SYNE3: variants seen among roughly 807,000 people sequenced by gnomAD.
SYNE3 encodes the protein nesprin-3.
A neutral mutation model predicts 111.2 loss-of-function variants in SYNE3; 100 were observed. That is an observed-to-expected ratio of 0.90 (90% CI 0.77 to 1.06). SYNE3 has a LOEUF of 1.06. Ranked by LOEUF, SYNE3 falls within the 50% of genes least tolerant of loss-of-function variation. The pLI is 0.00. For missense variants in SYNE3, 1,160 were observed against 1,240.3 expected (o/e 0.94, Z 0.97); for synonymous variants, 547 against 533.9 (o/e 1.02, Z -0.34).
At chr14:95,452,517 G>A (rs1448123648) in intron 6 of SYNE3, 134 bp from the exon 7 acceptor site, 2 of 1,208,616 alleles carry the variant, frequency 1.7e-6, no homozygotes, top group Non-Finnish European at 2.2e-6. Context: ...CAGGAACTGG[G>A]GCCCCACTCT....
chr14:95,456,004 C>T (rs1216753500), intron 5 of SYNE3: 4 of 443,464 alleles, frequency 9.0e-6, no homozygotes, highest in Non-Finnish European at 1.6e-5. Context: ...CACTTTCTGA[C>T]ATTTGTTTAT....
intron 1 of SYNE3, among the ~76,000 whole-genome samples, chr14:95,482,260 C>G (rs1248000435): frequency 6.6e-6 from 1 of 152,132 alleles, no homozygotes; most frequent in East Asian, 1.9e-4. Flanking sequence ...ATGGTGAAAC[C>G]CTGTCTCTAC....
In SYNE3 at chr14:95,408,623, G is replaced by A. The variant is rs77735391; in HGVS notation, c.*9203C>T. ...TGCTGAAGCCCAGAGCTGGAAGCCA[G>A]GGCTGCCCAGTTGTGCTTCTGCATG... On this transcript the variant is annotated 3_prime_UTR_variant, in exon 18 of 18. Coordinates refer to ENST00000682763, the MANE Select transcript of SYNE3 (RefSeq NM_152592.6). 1.1e-3 allele frequency: 171 copies of A among 158,288 alleles called. 2 individuals are homozygous for A. The highest frequency in any genetic ancestry group is 3.9e-3 in the African/African-American group (164 of 41,680). The allele number at this position is 158,288 out of a possible 1,614,324, so 9.8% of individuals were successfully genotyped here. A position where few individuals can be genotyped will look rare whatever the true frequency, so the allele number is the denominator to read the frequency against.
intron 17 of SYNE3, among the ~76,000 whole-genome samples, chr14:95,427,325 C>A (rs1233099858): frequency 6.6e-6 from 1 of 152,138 alleles, no homozygotes. Flanking sequence ...TCCCTTTTCC[C>A]AGGGGAGTTT....
chr14:95,493,478 C>G (rs550536245), intron 1 of SYNE3, among the ~76,000 whole-genome samples: 1 of 152,348 alleles, frequency 6.6e-6, no homozygotes, highest in South Asian at 2.1e-4. Flanking sequence ...GCAGCTGTCC[C>G]AGCTGCTGAG....
At chr14:95,480,552 GAC>G (rs146902552) in intron 1 of SYNE3, among the ~76,000 whole-genome samples, 3,745 of 152,318 alleles carry the variant, frequency 0.025, 52 homozygotes, top group Middle Eastern at 0.065. Flanking sequence ...CATGGCTGGA[GAC>G]ACAGCCTCCC....
intron 6 of SYNE3, among the ~76,000 whole-genome samples, chr14:95,454,125 G>A (rs1019414953): frequency 2.0e-5 from 3 of 152,252 alleles, no homozygotes; most frequent in South Asian, 2.1e-4. Flanking sequence ...TCAGCAGAGG[G>A]ATAACACAAG....
rs760298891 is a variant in SYNE3, at chr14:95,465,994, G to A, written c.564C>T (p.Ser188=). The change falls in exon 4 of 18, where the codon AGC becomes AGT. Residue 188 remains serine, a synonymous_variant. Coordinates refer to ENST00000682763, the MANE Select transcript of SYNE3 (RefSeq NM_152592.6). ...TTCTCTTCTGGGCATCTTCGTCCACGCTGGGGTCCCCGATCCTGTTGAACA... is the reference window on the plus strand; with the variant it reads ...TTCTCTTCTGGGCATCTTCGTCCACACTGGGGTCCCCGATCCTGTTGAACA... ...ASLFNRIGDP[S]VDEDAQKRMK... 2.3e-5 allele frequency: 37 copies of A among 1,608,514 alleles called. No homozygotes were observed. The Admixed American group carries it at 3.7e-4, about 16-fold the overall frequency.
chr14:95,460,280 C>T (rs1354848611), intron 4 of SYNE3, among the ~76,000 whole-genome samples: 1 of 151,596 alleles, frequency 6.6e-6, no homozygotes, highest in Non-Finnish European at 1.5e-5. Flanking sequence ...TCTTGGCTCA[C>T]TGTAACCTCT....
intron 4 of SYNE3, 129 bp downstream of exon 4, chr14:95,465,802 G>C (rs1444462776): frequency 9.7e-6 from 10 of 1,031,844 alleles, no homozygotes; most frequent in African/African-American, 3.2e-5. Flanking sequence ...TAGATGGATT[G>C]ATAGTAGAAA....
chr14:95,501,581 C>G (rs1366211135), intron 1 of SYNE3, among the ~76,000 whole-genome samples: 1 of 152,126 alleles, frequency 6.6e-6, no homozygotes. Context: ...GATTAGGGAG[C>G]TCAGTGAGGT....
At chr14:95,430,513 A>G (rs1440757695) in intron 17 of SYNE3, among the ~76,000 whole-genome samples, 2 of 152,202 alleles carry the variant, frequency 1.3e-5, no homozygotes, top group East Asian at 3.8e-4. Context: ...CATGAAGTAA[A>G]TAAGGTTGCC....
chr14:95,464,186 G>C (rs1487549220), intron 4 of SYNE3, among the ~76,000 whole-genome samples: 2 of 152,240 alleles, frequency 1.3e-5, no homozygotes, highest in Non-Finnish European at 2.9e-5. Context: ...AGAAATGCCA[G>C]ATAAAATGTA....
intron 8 of SYNE3, chr14:95,449,717 G>A (rs1014721967): frequency 8.1e-5 from 79 of 978,568 alleles, no homozygotes; most frequent in Non-Finnish European, 9.0e-5. Context: ...ACGGAGCCCC[G>A]GGTTAACCCC....
At chr14:95,449,886 C>T (rs1886955895) in intron 8 of SYNE3, 45 bp downstream of exon 8, 1 of 1,536,302 alleles carries the variant, frequency 6.5e-7, no homozygotes, top group African/African-American at 1.4e-5. Flanking sequence ...CATGCCCCGC[C>T]AGTGGCCCAC....
In SYNE3 at chr14:95,427,116, G is replaced by T. The variant is rs1287099914; in HGVS notation, c.2727+4963C>A. 2.0e-5 allele frequency among the ~76,000 whole-genome samples: 3 copies of T among 152,246 alleles called. No homozygotes were observed. In the East Asian group the frequency reaches 5.8e-4, roughly 29 times the overall value. Reference sequence around the variant, plus strand: ...ACCAGGCCATACAGAGATAGGAGCTGAGGGGACATAGTGAGAAGTGACCAG... The same window carrying T: ...ACCAGGCCATACAGAGATAGGAGCTTAGGGGACATAGTGAGAAGTGACCAG... On this transcript the variant is annotated intron_variant, in intron 17 of 17. Coordinates refer to ENST00000682763, the MANE Select transcript of SYNE3 (RefSeq NM_152592.6).
At chr14:95,512,029 A>T (rs542188530) in intron 1 of SYNE3, among the ~76,000 whole-genome samples, 1 of 152,352 alleles carries the variant, frequency 6.6e-6, no homozygotes, top group East Asian at 1.9e-4. Flanking sequence ...TCAGAAGCAT[A>T]AATCATTAGG....
intron 1 of SYNE3, among the ~76,000 whole-genome samples, chr14:95,498,569 A>G (rs565810488): frequency 7.9e-5 from 12 of 152,344 alleles, no homozygotes; most frequent in Middle Eastern, 3.4e-3. Flanking sequence ...AAAAGTTAAG[A>G]GTATTAAGTC....
At chr14:95,496,709 A>G (rs1450093853) in intron 1 of SYNE3, among the ~76,000 whole-genome samples, 3 of 152,264 alleles carry the variant, frequency 2.0e-5, no homozygotes, top group African/African-American at 7.2e-5. Context: ...TAAACAGCTC[A>G]GAATATTCTA....
Sources: gnomAD v4.1 joint callset for allele counts (sites outside exome capture counted in the v4.1 genomes callset) on GRCh38, gnomAD v4.1.1 for gene constraint, MANE v1.5 for transcripts, NCBI Gene and HGNC (gene_info 2026-07-23, HGNC 2026-07-21) for gene names.